ASIC2: variants seen among roughly 807,000 people sequenced by gnomAD.
The protein encoded by ASIC2 is acid-sensing ion channel 2.
In ASIC2, 25 loss-of-function variants were observed where a neutral mutation model predicts 57.3. That is an observed-to-expected ratio of 0.44 (90% confidence interval 0.32 to 0.61). The LOEUF (loss-of-function observed/expected upper bound fraction) is 0.61. Among genes scored for constraint, ASIC2 ranks in the 20% least tolerant of loss-of-function variants. ASIC2 has a pLI of 0.06. For missense variants in ASIC2, 641 were observed against 738.1 expected (o/e 0.87, Z 1.52); for synonymous variants, 319 against 307.5 (o/e 1.04, Z -0.39).
intron 1 of ASIC2, among the ~76,000 whole-genome samples, chr17:33,795,461 C>T (rs886469114): frequency 1.3e-5 from 2 of 152,262 alleles, no homozygotes; most frequent in African/African-American, 4.8e-5. Context: ...TCCAACCTTG[C>T]CATGTGCAAG....
chr17:33,699,210 T>G (rs528562019), intron 1 of ASIC2, among the ~76,000 whole-genome samples: 1 of 152,274 alleles, frequency 6.6e-6, no homozygotes, highest in East Asian at 1.9e-4. Context: ...GAAGACATGT[T>G]TAATTCTGTC....
intron 1 of ASIC2, among the ~76,000 whole-genome samples, chr17:33,467,986 A>G (rs1413549348): frequency 6.6e-6 from 1 of 152,210 alleles, no homozygotes; most frequent in East Asian, 1.9e-4. Context: ...ATTGACAGTT[A>G]TATGCCCTCA....
At chr17:33,465,723 G>A in intron 1 of ASIC2, among the ~76,000 whole-genome samples, 1 of 152,168 alleles carries the variant, frequency 6.6e-6, no homozygotes, top group East Asian at 1.9e-4. Flanking sequence ...GGAAAGGTCT[G>A]CCCCTTTTCC....
intron 1 of ASIC2, among the ~76,000 whole-genome samples, chr17:33,154,515 A>G (rs763046317): frequency 5.9e-5 from 9 of 152,312 alleles, no homozygotes; most frequent in Non-Finnish European, 1.3e-4. Context: ...TGAAGCAGGT[A>G]TTAGCCCTAG....
intron 1 of ASIC2, among the ~76,000 whole-genome samples, chr17:33,246,581 G>A (rs905730998): frequency 3.3e-5 from 5 of 152,182 alleles, no homozygotes; most frequent in African/African-American, 9.7e-5. Context: ...GCAAGGGCGC[G>A]GCGGGGTTCA....
rs559716287 is a variant in ASIC2 at position 33,826,808 on chromosome 17, C to A, written c.555+329170G>T. On this transcript the variant is annotated intron_variant, in intron 1 of 9. Transcript: ENST00000359872. ...CGTTAAAAGGAAAGGTAGAGTCAGA[C>A]ATAGTGTCTGTCTACCCTCGAGGAT... Among the ~76,000 whole-genome samples the A allele has an allele frequency of 2.0e-5, 3 of 152,292 alleles. No homozygotes were observed. The East Asian group carries it at 5.8e-4, about 29-fold the overall frequency.
chr17:33,252,757 C>G (rs941132760), intron 1 of ASIC2, among the ~76,000 whole-genome samples: 3 of 152,092 alleles, frequency 2.0e-5, no homozygotes, highest in African/African-American at 7.2e-5. Flanking sequence ...CGCCTTTGCC[C>G]AGCATCTTTG....
At chr17:33,138,765 A>AG (rs11400969) in intron 1 of ASIC2, among the ~76,000 whole-genome samples, 101,391 of 152,058 alleles carry the variant, frequency 0.67, 34,828 homozygotes, top group African/African-American at 0.83. Flanking sequence ...AGGCAATGTG[A>AG]GGAGCACAAA....
chr17:34,097,650 TCAC>T (rs1347403335), intron 1 of ASIC2, among the ~76,000 whole-genome samples: 1 of 152,214 alleles, frequency 6.6e-6, no homozygotes, highest in Non-Finnish European at 1.5e-5. Flanking sequence ...AATTGTTATA[TCAC>T]TAGTTTTTTT....
At chr17:33,702,071 T>C (rs1380718557) in intron 1 of ASIC2, among the ~76,000 whole-genome samples, 3 of 152,196 alleles carry the variant, frequency 2.0e-5, no homozygotes, top group Non-Finnish European at 4.4e-5. Context: ...GGTAACTTCT[T>C]CCTTTCATTC....
intron 1 of ASIC2, among the ~76,000 whole-genome samples, chr17:33,339,987 G>A (rs1028462508): frequency 6.6e-6 from 1 of 152,130 alleles, no homozygotes. Context: ...TCCAACTGCT[G>A]GAATTACAGG....
intron 1 of ASIC2, among the ~76,000 whole-genome samples, chr17:33,749,706 T>C (rs750923003): frequency 7.2e-5 from 11 of 152,110 alleles, no homozygotes; most frequent in Non-Finnish European, 7.4e-5. Context: ...TGCCCCGGCC[T>C]GACACAGCCT....
intron 1 of ASIC2, among the ~76,000 whole-genome samples, chr17:33,977,970 A>T (rs755199415): frequency 3.3e-5 from 5 of 152,190 alleles, no homozygotes; most frequent in Non-Finnish European, 5.9e-5. Context: ...ATCATGGTGC[A>T]GTATGGAGGT....
chr17:33,963,225 G>A (rs910785925), intron 1 of ASIC2, among the ~76,000 whole-genome samples: 5 of 152,012 alleles, frequency 3.3e-5, no homozygotes, highest in African/African-American at 4.8e-5. Context: ...TTCCCATCTC[G>A]CAGCCTCCCC....
At chr17:33,595,341 A>G (rs913039873) in intron 1 of ASIC2, among the ~76,000 whole-genome samples, 3 of 152,276 alleles carry the variant, frequency 2.0e-5, no homozygotes, top group African/African-American at 7.2e-5. Flanking sequence ...GGTCTGGAGT[A>G]AGTGGAAAGA....
intron 1 of ASIC2, among the ~76,000 whole-genome samples, chr17:34,107,160 T>C (rs1481086587): frequency 6.6e-6 from 1 of 152,146 alleles, no homozygotes; most frequent in Admixed American, 6.5e-5. Flanking sequence ...AGTATGTTTG[T>C]ATACCTTCTT....
rs150611790 is a variant in ASIC2, at chr17:33,980,341, T to G, written c.555+175637A>C. 2.8e-4 allele frequency among the ~76,000 whole-genome samples: 43 copies of G among 152,294 alleles called. No individual in the cohort carries two copies. The East Asian group carries it at 7.1e-3, about 25-fold the overall frequency. ...GGGCTGGCCTTTGTGTCTCCATCTC[T>G]ACCACTTGACCAGGATCAAAGAACT... On this transcript the variant is annotated intron_variant, in intron 1 of 9. Transcript: ENST00000359872.
At chr17:33,509,002 G>A (rs1048230209) in intron 1 of ASIC2, among the ~76,000 whole-genome samples, 11 of 152,120 alleles carry the variant, frequency 7.2e-5, no homozygotes, top group African/African-American at 2.4e-4. Context: ...GGGATCTTTG[G>A]GCCAGCTCCT....
chr17:33,964,650 A>G (rs1218148006), intron 1 of ASIC2, among the ~76,000 whole-genome samples: 1 of 152,110 alleles, frequency 6.6e-6, no homozygotes, highest in African/African-American at 2.4e-5. Flanking sequence ...TCTTGACAGT[A>G]TCTCCCAACC....
Sources: allele counts gnomAD v4.1 joint callset (sites outside exome capture counted in the v4.1 genomes callset), GRCh38; gene constraint gnomAD v4.1.1; transcripts MANE v1.5; gene names NCBI Gene and HGNC (gene_info 2026-07-23, HGNC 2026-07-21).